The following FHIT variants were observed in gnomAD, a reference collection of about 807,000 sequenced individuals.
FHIT encodes fragile histidine triad diadenosine triphosphatase, also known as bis(5'-adenosyl)-triphosphatase.
FHIT carries 19 observed loss-of-function variants against 17.9 expected under a neutral mutation model. The observed-to-expected ratio is 1.06, with a 90% confidence interval of 0.74 to 1.56. The LOEUF (loss-of-function observed/expected upper bound fraction) is 1.56. Ranked by LOEUF, FHIT falls within the 40% of genes most tolerant of loss-of-function variation. The pLI, the probability that FHIT is intolerant of heterozygous loss-of-function variation, is 0.00. For synonymous variants in FHIT, 81 were observed against 69.7 expected, an observed-to-expected ratio of 1.16 and a Z score of -0.81; for missense variants, 248 against 189.2, an observed-to-expected ratio of 1.31 and a Z score of -1.82.
chr3:60,926,445 C>A lies in FHIT; in HGVS notation c.-110-104434G>T, dbSNP rs193002752. On this transcript the variant is annotated intron_variant, in intron 3 of 9. Coordinates refer to ENST00000492590, the MANE Select transcript of FHIT (RefSeq NM_002012.4). ...CTACATGGAAACTGAACAACCTGCT[C>A]CTGAATGACTACTGGGTACGTCGCG... Among the ~76,000 whole-genome samples, 8 of 152,316 alleles carry A rather than the reference C, an allele frequency of 5.3e-5. No homozygotes were observed. The East Asian group carries it at 1.5e-3, about 29-fold the overall frequency.
chr3:60,068,807 A>G (rs376696803), intron 5 of FHIT, among the ~76,000 whole-genome samples: 24 of 152,368 alleles, frequency 1.6e-4, no homozygotes, highest in African/African-American at 5.5e-4. Context: ...GCAATGATTG[A>G]ATAGAAATGC....
chr3:60,995,506 T>G (rs1308822702), intron 3 of FHIT, among the ~76,000 whole-genome samples: 2 of 152,124 alleles, frequency 1.3e-5, no homozygotes, highest in Non-Finnish European at 2.9e-5. Context: ...TCCCAGCTCT[T>G]CATGCTGTAG....
At chr3:60,181,598 C>G (rs1316589288) in intron 5 of FHIT, among the ~76,000 whole-genome samples, 2 of 152,132 alleles carry the variant, frequency 1.3e-5, no homozygotes, top group African/African-American at 2.4e-5. Flanking sequence ...AACAGAAGAC[C>G]AGAGTAGAGT....
At chr3:59,775,711 C>A (rs1702277059) in intron 8 of FHIT, among the ~76,000 whole-genome samples, 1 of 152,142 alleles carries the variant, frequency 6.6e-6, no homozygotes. Flanking sequence ...TCCCCTTTGT[C>A]ACAGCCAGAA....
intron 3 of FHIT, among the ~76,000 whole-genome samples, chr3:60,825,850 C>G (rs782445369): frequency 1.8e-4 from 28 of 152,006 alleles, no homozygotes; most frequent in Admixed American, 1.7e-3. Context: ...GTATAAACAA[C>G]GGACTAGTCA....
At chr3:60,732,094 T>G in intron 4 of FHIT, 8 of 642,844 alleles carry the variant, frequency 1.2e-5, no homozygotes, top group Admixed American at 2.2e-5. Flanking sequence ...GGTAGTCTCC[T>G]GAGCTACAGA....
intron 5 of FHIT, among the ~76,000 whole-genome samples, chr3:60,376,234 C>T (rs1700555178): frequency 6.6e-6 from 1 of 152,088 alleles, no homozygotes; most frequent in Admixed American, 6.5e-5. Context: ...ACCACAAGCC[C>T]CCATGCTTGA....
At chr3:60,826,706 G>C (rs1553741124) in intron 3 of FHIT, among the ~76,000 whole-genome samples, 2 of 152,158 alleles carry the variant, frequency 1.3e-5, no homozygotes, top group Non-Finnish European at 1.5e-5. Context: ...TCTGCCAGGG[G>C]AACACCAGAA....
intron 1 of FHIT, among the ~76,000 whole-genome samples, chr3:61,213,924 T>G (rs1249697161): frequency 6.6e-6 from 1 of 151,902 alleles, no homozygotes; most frequent in African/African-American, 2.4e-5. Context: ...CATAACGAAA[T>G]GAAGGCAGAA....
chr3:60,183,333 G>T (rs1458673799), intron 5 of FHIT, among the ~76,000 whole-genome samples: 1 of 152,164 alleles, frequency 6.6e-6, no homozygotes, highest in Non-Finnish European at 1.5e-5. Flanking sequence ...AGGAGGCAGA[G>T]GTTGCAGTGA....
At chr3:60,987,971 A>G (rs1267190047) in intron 3 of FHIT, among the ~76,000 whole-genome samples, 1 of 152,226 alleles carries the variant, frequency 6.6e-6, no homozygotes, top group Non-Finnish European at 1.5e-5. Flanking sequence ...TTCTAAAATC[A>G]ATATCTTTAC....
At chr3:60,773,593 A>G (rs1700118265) in intron 4 of FHIT, among the ~76,000 whole-genome samples, 1 of 152,180 alleles carries the variant, frequency 6.6e-6, no homozygotes, top group East Asian at 1.9e-4. Flanking sequence ...AAATGACCAG[A>G]CAACTACTTT....
At chr3:60,296,601 G>C (rs1032743525) in intron 5 of FHIT, among the ~76,000 whole-genome samples, 1 of 152,140 alleles carries the variant, frequency 6.6e-6, no homozygotes. Context: ...CCAGTCTGCA[G>C]CTTGTCTTTT....
At chr3:59,757,205 A>G (rs911020372) in intron 8 of FHIT, among the ~76,000 whole-genome samples, 2 of 152,222 alleles carry the variant, frequency 1.3e-5, no homozygotes, top group African/African-American at 4.8e-5. Context: ...AGTGCACGCC[A>G]AAGTGACAAC....
At chr3:60,016,825 A>G (rs150668578) in intron 5 of FHIT, among the ~76,000 whole-genome samples, 29 of 152,306 alleles carry the variant, frequency 1.9e-4, no homozygotes, top group African/African-American at 6.0e-4. Flanking sequence ...GTTAGCTTCA[A>G]AGAAAGTTGT....
chr3:59,799,801 A>T (rs777862115), intron 8 of FHIT, among the ~76,000 whole-genome samples: 30 of 152,204 alleles, frequency 2.0e-4, no homozygotes, highest in Non-Finnish European at 4.1e-4. Flanking sequence ...CAGAAAATTG[A>T]TCTATAATAC....
At chr3:60,163,042 T>A (rs999672517) in intron 5 of FHIT, among the ~76,000 whole-genome samples, 1 of 152,124 alleles carries the variant, frequency 6.6e-6, no homozygotes, top group Non-Finnish European at 1.5e-5. Flanking sequence ...GAGCTCTTGG[T>A]TTTGGATAAG....
chr3:60,814,911 T>G (rs1402547848), intron 4 of FHIT, among the ~76,000 whole-genome samples: 1 of 147,048 alleles, frequency 6.8e-6, no homozygotes, highest in Non-Finnish European at 1.5e-5. Context: ...TTTTTGTTGT[T>G]TTTTTTTTTT....
At chr3:61,073,302 G>T (rs1372489029) in intron 2 of FHIT, among the ~76,000 whole-genome samples, 1 of 152,166 alleles carries the variant, frequency 6.6e-6, no homozygotes, top group Non-Finnish European at 1.5e-5. Context: ...GAGACTGACA[G>T]GCTTCTTGGC....
Sources: allele counts gnomAD v4.1 joint callset (sites outside exome capture counted in the v4.1 genomes callset), GRCh38; gene constraint gnomAD v4.1.1; transcripts MANE v1.5; gene names NCBI Gene and HGNC (gene_info 2026-07-23, HGNC 2026-07-21).